ITGAL: variants seen among roughly 807,000 people sequenced by gnomAD.
The protein encoded by ITGAL is integrin alpha-L.
In ITGAL, 68 loss-of-function variants were observed where a neutral mutation model predicts 138.4. The ratio of observed to expected loss-of-function variants is 0.49; its 90% CI spans 0.40 to 0.60. The LOEUF is 0.60. Ranked by LOEUF, ITGAL falls within the 20% of genes least tolerant of loss-of-function variation. The pLI is 0.00. For missense variants in ITGAL, 1,256 were observed against 1,478.6 expected (o/e 0.85, Z 2.47); for synonymous variants, 561 against 584.3 (o/e 0.96, Z 0.57).
chr16:30,494,142 GC>G lies in ITGAL; in HGVS notation c.1214-66del. On this transcript the variant is annotated intron_variant, in intron 11 of 30. Transcript: ENST00000356798. This position sits in a 1 kb window ranked among gnomAD's most constrained non-coding sequence, Gnocchi z 4.2. ...ACTAACCCAATTCCCTGGGGCCCCT[GC>G]CCCTCTCCTGCTGGGTGTTCTTCCA... 1 of 1,430,688 alleles carries G rather than the reference GC, an allele frequency of 7.0e-7. No homozygotes were observed. Among genetic ancestry groups the G allele is most frequent in the South Asian group, 1.4e-5 (1 of 71,498 alleles). The allele number at this position is 1,430,688 out of a possible 1,614,324, so 88.6% of individuals were successfully genotyped here.
chr16:30,484,908 A>G (rs1217769299), intron 9 of ITGAL, among the ~76,000 whole-genome samples: 1 of 152,010 alleles, frequency 6.6e-6, no homozygotes, highest in Non-Finnish European at 1.5e-5. Flanking sequence ...ACACAGCAAG[A>G]CTCAGTCTCA....
At chr16:30,507,215 C>T (rs983183483) in intron 21 of ITGAL, among the ~76,000 whole-genome samples, 11 of 151,978 alleles carry the variant, frequency 7.2e-5, no homozygotes, top group African/African-American at 2.7e-4. Context: ...ATCCCAGCAC[C>T]TTGGGAGGCC....
At chr16:30,491,633 C>CT (rs950838430) in intron 11 of ITGAL, among the ~76,000 whole-genome samples, 15 of 148,758 alleles carry the variant, frequency 1.0e-4, no homozygotes, top group African/African-American at 1.2e-4. Flanking sequence ...GGTACTGTTC[C>CT]TTTTTTTTTT....
Position 30,510,386 on chromosome 16 carries a change from G to T in ITGAL, c.2534G>T (p.Cys845Phe). ...CCCCATAGCCAGATACCTGTGAGCT[G>T]CGAGGAGCTTCCTGAAGAGTCCAGG... ...LKPHSQIPVS[C>F]EELPEESRLL... Residue 845 changes from cysteine (C) to phenylalanine (F), a missense_variant, in exon 22 of 31, where the codon TGC (cysteine) becomes TTC (phenylalanine). By Grantham distance (205) the Cys-to-Phe change is radical (BLOSUM62 -2). Around this residue, in one of 3 missense-constraint regions of ITGAL, gnomAD observed 867 missense variants for 972.5 expected, o/e 0.89. Transcript: ENST00000356798. 1 of 1,612,004 alleles carries T rather than the reference G, an allele frequency of 6.2e-7. No homozygotes were observed. Among genetic ancestry groups the T allele is most frequent in the Non-Finnish European group, 8.5e-7 (1 of 1,178,058 alleles).
chr16:30,496,481 C>G lies in ITGAL; in HGVS notation c.1747C>G (p.Arg583Gly), dbSNP rs757861462. The change falls in exon 15 of 31, where the codon CGC (arginine) becomes GGC (glycine). Residue 583 changes from arginine to glycine, a missense_variant. Coordinates refer to ENST00000356798, the MANE Select transcript of ITGAL (RefSeq NM_002209.3). ...GCTCTCAGGAATTCAGTGGTTTGGACGCTCCATCCATGGGGTGAAGGACCT... is the reference window on the plus strand; with the variant it reads ...GCTCTCAGGAATTCAGTGGTTTGGAGGCTCCATCCATGGGGTGAAGGACCT... ...QVLSGIQWFGRSIHGVKDLEG... is the reference protein window; with the variant it reads ...QVLSGIQWFGGSIHGVKDLEG... 6.2e-7 allele frequency: 1 copy of G among 1,613,442 alleles called. No homozygotes were observed.
At chr16:30,500,678 T>A (rs895116606) in intron 17 of ITGAL, among the ~76,000 whole-genome samples, 9 of 151,730 alleles carry the variant, frequency 5.9e-5, no homozygotes, top group Admixed American at 5.9e-4. Context: ...GCCTCCCGAG[T>A]AGCTAGGACT....
chr16:30,473,961 G>GC, intron 1 of ITGAL: 1 of 663,570 alleles, frequency 1.5e-6, no homozygotes, highest in Non-Finnish European at 2.8e-6. Flanking sequence ...TTCCTTTTTT[G>GC]CAGAGAGGCC....
chr16:30,516,488 C>G (rs1439027962), intron 25 of ITGAL, among the ~76,000 whole-genome samples: 2 of 152,080 alleles, frequency 1.3e-5, no homozygotes, highest in African/African-American at 4.8e-5. Context: ...CCTCAGCCTC[C>G]CAAAGTGCTG....
chr16:30,482,975 C>A (rs1017594300), intron 7 of ITGAL, among the ~76,000 whole-genome samples: 1 of 152,154 alleles, frequency 6.6e-6, no homozygotes, highest in African/African-American at 2.4e-5. Flanking sequence ...TACAATCACA[C>A]ACCACCATGC....
At chr16:30,506,558 C>CAAA (rs57722064) in intron 20 of ITGAL, among the ~76,000 whole-genome samples, 157 bp from the exon 21 acceptor site, 14 of 47,938 alleles carry the variant, frequency 2.9e-4, no homozygotes, top group South Asian at 1.1e-3. Context: ...GACTCCATCT[C>CAAA]AAAAAAAAAA....
chr16:30,487,827 C>G (rs886626471), intron 9 of ITGAL, among the ~76,000 whole-genome samples: 3 of 151,988 alleles, frequency 2.0e-5, no homozygotes, highest in African/African-American at 7.2e-5. Flanking sequence ...GAGCAATTCT[C>G]CTGCCTCAGC....
At chr16:30,491,367 G>T (rs2050721943) in intron 11 of ITGAL, among the ~76,000 whole-genome samples, 1 of 151,288 alleles carries the variant, frequency 6.6e-6, no homozygotes, top group Non-Finnish European at 1.5e-5. Context: ...TACCACTGCA[G>T]TCCAGCCTGG....
At chr16:30,487,035 C>T (rs185992416) in intron 9 of ITGAL, among the ~76,000 whole-genome samples, 23 of 147,820 alleles carry the variant, frequency 1.6e-4, no homozygotes, top group African/African-American at 4.5e-4. Flanking sequence ...CCCAGCTACT[C>T]GGGAGGCTGA....
chr16:30,503,866 A>T (rs1295540330), intron 17 of ITGAL: 1 of 203,414 alleles, frequency 4.9e-6, no homozygotes, highest in Non-Finnish European at 1.0e-5. Flanking sequence ...TCTTAAGCAA[A>T]CTTTGATAAT....
At chr16:30,482,586 A>C (rs2050576497) in intron 7 of ITGAL, among the ~76,000 whole-genome samples, 2 of 152,142 alleles carry the variant, frequency 1.3e-5, no homozygotes, top group South Asian at 4.1e-4. Context: ...AAGGCTACTG[A>C]AAAATCCAGA....
intron 11 of ITGAL, among the ~76,000 whole-genome samples, chr16:30,490,227 T>TAAA (rs71149031): frequency 1.9e-4 from 24 of 129,536 alleles, no homozygotes; most frequent in Non-Finnish European, 3.4e-4. Context: ...GACTCCGTCT[T>TAAA]AAAAAAAAAA....
In ITGAL at chr16:30,512,979, G is replaced by A. The variant is rs34701208; in HGVS notation, c.2787-792G>A. On this transcript the variant is annotated intron_variant, in intron 24 of 30. Transcript: ENST00000356798. ...GCCTCCTGAAGTGCTGGGATTACAG[G>A]CGTAAGCCACCGCGCCTGGCCTCCA... Among the ~76,000 whole-genome samples the A allele has an allele frequency of 4.4e-4, 67 of 152,352 alleles. 2 individuals are homozygous for A. In the East Asian group the frequency reaches 0.012, roughly 28 times the overall value.
intron 11 of ITGAL, 29 bp downstream of exon 11, chr16:30,489,415 T>G: frequency 1.2e-6 from 2 of 1,610,232 alleles, no homozygotes; most frequent in East Asian, 2.2e-5. Context: ...TGCTGGGATC[T>G]TCTGGTTGTT....
chr16:30,507,608 C>A (rs1285255682), intron 21 of ITGAL, among the ~76,000 whole-genome samples: 2 of 151,678 alleles, frequency 1.3e-5, no homozygotes, highest in Non-Finnish European at 2.9e-5. Context: ...CAAGATTGTG[C>A]CACTGCACTC....
Sources: allele counts gnomAD v4.1 joint callset (sites outside exome capture counted in the v4.1 genomes callset), GRCh38; gene constraint gnomAD v4.1.1; regional missense constraint gnomAD v4.1.1; non-coding constraint Gnocchi (gnomAD v3.1); transcripts MANE v1.5; gene names NCBI Gene and HGNC (gene_info 2026-07-23, HGNC 2026-07-21).